Variants in XYLT1 observed in about 807,000 individuals in gnomAD.
The protein encoded by XYLT1 is beta-D-xylosyltransferase 1.
XYLT1 carries 36 observed loss-of-function variants against 91.3 expected under a neutral mutation model. The ratio of observed to expected loss-of-function variants is 0.39; its 90% CI spans 0.30 to 0.52. The LOEUF is 0.52. Ranked by LOEUF, XYLT1 falls within the 20% of genes least tolerant of loss-of-function variation. XYLT1 has a pLI of 0.68. For missense variants in XYLT1, 1,242 were observed against 1,284.5 expected (o/e 0.97, Z 0.51); for synonymous variants, 588 against 532.0 (o/e 1.11, Z -1.45).
At chr16:17,205,528 C>A (rs993624115) in intron 3 of XYLT1, among the ~76,000 whole-genome samples, 2 of 152,206 alleles carry the variant, frequency 1.3e-5, no homozygotes, top group African/African-American at 4.8e-5. Flanking sequence ...GAATCCACCC[C>A]ACATGGACAT....
At chr16:17,460,919 G>C (rs1181240109) in intron 1 of XYLT1, among the ~76,000 whole-genome samples, 1 of 152,210 alleles carries the variant, frequency 6.6e-6, no homozygotes, top group East Asian at 1.9e-4. Flanking sequence ...AGGTGGCAGA[G>C]CAGAGCACTG....
At chr16:17,247,144 CATTCATTCATTT>C (rs889304940) in intron 3 of XYLT1, among the ~76,000 whole-genome samples, 2 of 134,288 alleles carry the variant, frequency 1.5e-5, no homozygotes, top group African/African-American at 3.4e-5. Context: ...TTATTTCATT[CATTCATTCATTT>C]ATTCATTCAC....
rs917448199 is a variant in XYLT1, at chr16:17,393,640, G to T, written c.364-35590C>A. On this transcript the variant is annotated intron_variant, in intron 1 of 11. Transcript: ENST00000261381. Reference sequence around the variant, plus strand: ...GGAAAAATGTCATATGAGTCTGGGTGTGGTGGCTCACATCTGTAACCCTAG... The same window carrying T: ...GGAAAAATGTCATATGAGTCTGGGTTTGGTGGCTCACATCTGTAACCCTAG... 2.0e-5 allele frequency among the ~76,000 whole-genome samples: 3 copies of T among 152,158 alleles called. 1 individual carries two copies. The highest frequency in any genetic ancestry group is 1.3e-4 in the Admixed American group (2 of 15,272).
intron 1 of XYLT1, among the ~76,000 whole-genome samples, chr16:17,462,273 TGA>T (rs1243551861): frequency 6.6e-6 from 1 of 152,108 alleles, no homozygotes; most frequent in African/African-American, 2.4e-5. Flanking sequence ...CCCTGAAAGA[TGA>T]GACACCCTCG....
chr16:17,163,078 C>A (rs1014083306), intron 5 of XYLT1, among the ~76,000 whole-genome samples: 2 of 152,202 alleles, frequency 1.3e-5, no homozygotes, highest in Admixed American at 6.5e-5. Context: ...GCTTAAGACA[C>A]CTTGAACTGT....
chr16:17,430,309 T>C (rs929894403), intron 1 of XYLT1, among the ~76,000 whole-genome samples: 4 of 152,146 alleles, frequency 2.6e-5, no homozygotes, highest in African/African-American at 9.7e-5. Flanking sequence ...AAACGCTCAC[T>C]GGAACATTTT....
At chr16:17,117,500 C>A in intron 11 of XYLT1, 146 bp downstream of exon 11, 3 of 833,262 alleles carry the variant, frequency 3.6e-6, no homozygotes, top group Non-Finnish European at 5.5e-6. Context: ...TAGGGAAACA[C>A]AGAGAAAAGT....
intron 1 of XYLT1, among the ~76,000 whole-genome samples, chr16:17,366,791 G>A (rs1392427052): frequency 6.6e-6 from 1 of 152,156 alleles, no homozygotes; most frequent in African/African-American, 2.4e-5. Flanking sequence ...GAGGCTCAAA[G>A]GAGAAGTAAT....
intron 2 of XYLT1, among the ~76,000 whole-genome samples, chr16:17,279,854 C>T (rs2034031428): frequency 6.6e-6 from 1 of 152,204 alleles, no homozygotes; most frequent in African/African-American, 2.4e-5. Flanking sequence ...GCAGAGGACA[C>T]CTTGGGCACC....
Position 17,379,728 on chromosome 16 carries a change from ATC to A in XYLT1, c.364-21680_364-21679del, listed in dbSNP as rs71137986. 9.2e-3 allele frequency among the ~76,000 whole-genome samples: 1,154 copies of A among 125,686 alleles called. 9 individuals carry two copies. The highest frequency in any genetic ancestry group is 0.028 in the Middle Eastern group (7 of 250). The allele number at this position is 125,686 out of a possible 152,430, so 82.5% of individuals were successfully genotyped here. ...TCTCCACATCTATGAAATGAAGGAT[ATC>A]TCTCTCTCTCTCTCTCTCTCTCTCT... On this transcript the variant is annotated intron_variant, in intron 1 of 11. Transcript: ENST00000261381.
At chr16:17,328,406 A>G (rs981193778) in intron 2 of XYLT1, among the ~76,000 whole-genome samples, 3 of 151,896 alleles carry the variant, frequency 2.0e-5, no homozygotes, top group Non-Finnish European at 2.9e-5. Flanking sequence ...AAAATTAGCC[A>G]GGCATGGTGG....
chr16:17,392,281 C>A lies in XYLT1; in HGVS notation c.364-34231G>T, dbSNP rs564068602. The stretch of plus-strand genomic sequence containing the variant: ...AAAGGTTTCTAGAACATTCCATTCT[C>A]TCTGCCGCCTCAAGGCCATTTCCCT... On this transcript the variant is annotated intron_variant, in intron 1 of 11. Transcript: ENST00000261381. 4.8e-4 allele frequency among the ~76,000 whole-genome samples: 73 copies of A among 152,318 alleles called. 2 individuals carry two copies. In the South Asian group the frequency reaches 0.014, roughly 29 times the overall value.
intron 2 of XYLT1, among the ~76,000 whole-genome samples, chr16:17,279,176 G>C (rs1325189782): frequency 6.6e-6 from 1 of 152,156 alleles, no homozygotes; most frequent in East Asian, 1.9e-4. Flanking sequence ...CTGTGATCAG[G>C]AGCATGAATG....
chr16:17,162,073 G>A (rs2031568542), intron 5 of XYLT1, among the ~76,000 whole-genome samples: 1 of 152,048 alleles, frequency 6.6e-6, no homozygotes, highest in Admixed American at 6.5e-5. Flanking sequence ...AAAGACTTTT[G>A]CCACATTTTA....
chr16:17,138,514 G>A lies in XYLT1; in HGVS notation c.1605C>T (p.Val535=). The A allele has an allele frequency of 1.2e-6, 2 of 1,614,106 alleles. No homozygotes were observed. Among genetic ancestry groups the A allele is most frequent in the East Asian group, 2.2e-5 (1 of 44,870 alleles). The change falls in exon 8 of 12, where the codon GTC becomes GTT. Residue 535 remains valine (V), a synonymous_variant. Transcript: ENST00000261381. ...LLPAESFFHT[V]LENSPHCDTM... ...TGTCGCAGTGGGGGCTGTTCTCCAG[G>A]ACCGTATGGAAGAAGGACTGCAGGG...
chr16:17,160,745 C>T (rs975713394), intron 5 of XYLT1, among the ~76,000 whole-genome samples: 2 of 152,144 alleles, frequency 1.3e-5, no homozygotes, highest in African/African-American at 4.8e-5. Flanking sequence ...ATCGTGCATG[C>T]CAAGGTAAAG....
At chr16:17,349,337 A>T (rs2035188515) in intron 2 of XYLT1, among the ~76,000 whole-genome samples, 1 of 152,220 alleles carries the variant, frequency 6.6e-6, no homozygotes, top group Non-Finnish European at 1.5e-5. Context: ...CTTTGTGTCA[A>T]ATCTGTCTAG....
At chr16:17,373,765 G>C (rs556478807) in intron 1 of XYLT1, among the ~76,000 whole-genome samples, 18 of 152,226 alleles carry the variant, frequency 1.2e-4, no homozygotes, top group African/African-American at 4.3e-4. Flanking sequence ...CAGCTGCACA[G>C]TGTTGGAGCT....
chr16:17,387,807 T>C (rs2035765411), intron 1 of XYLT1, among the ~76,000 whole-genome samples: 1 of 152,198 alleles, frequency 6.6e-6, no homozygotes, highest in Non-Finnish European at 1.5e-5. Flanking sequence ...AAGCTCAACA[T>C]TGGCATGCCT....
Sources: gnomAD v4.1 joint callset for allele counts (sites outside exome capture counted in the v4.1 genomes callset) on GRCh38, gnomAD v4.1.1 for gene constraint, MANE v1.5 for transcripts, NCBI Gene and HGNC (gene_info 2026-07-23, HGNC 2026-07-21) for gene names.